Variants in P2RY8 observed in about 807,000 individuals in gnomAD.
P2RY8 encodes P2Y receptor family member 8.
Under a neutral mutation model 10.0 loss-of-function variants are expected in P2RY8, and 6 were observed. The observed-to-expected ratio is 0.60, with a 90% CI of 0.33 to 1.19. The LOEUF (loss-of-function observed/expected upper bound fraction) is 1.19. Ranked by LOEUF, P2RY8 falls within the 50% of genes most tolerant of loss-of-function variation. P2RY8 has a pLI of 0.04. For missense variants in P2RY8, 456 were observed against 542.0 expected (o/e 0.84, Z 1.58); for synonymous variants, 276 against 252.5 (o/e 1.09, Z -0.88).
intron 1 of P2RY8, among the ~76,000 whole-genome samples, chrX:1,518,478 T>C (rs1293801255): frequency 3.4e-5 from 5 of 148,714 alleles, no homozygotes; most frequent in Admixed American, 2.0e-4. Flanking sequence ...TTAATATATA[T>C]AATAAAAAAT....
chrX:1,469,777 G>A (rs1368448827), intron 1 of P2RY8, among the ~76,000 whole-genome samples: 3 of 151,866 alleles, frequency 2.0e-5, no homozygotes, highest in Non-Finnish European at 2.9e-5. Flanking sequence ...GCATGGTGGC[G>A]AGTCCCAGCT....
intron 1 of P2RY8, among the ~76,000 whole-genome samples, chrX:1,480,585 A>G (rs1480369612): frequency 6.6e-6 from 1 of 151,812 alleles, no homozygotes; most frequent in Non-Finnish European, 1.5e-5. Context: ...AAAACCAAAC[A>G]CTGCATGTTG....
chrX:1,482,163 GT>G (rs2091942439), intron 1 of P2RY8, among the ~76,000 whole-genome samples: 2 of 30,042 alleles, frequency 6.7e-5, no homozygotes, highest in Non-Finnish European at 6.3e-5. Flanking sequence ...TGTGTGTGGT[GT>G]GTGTGTGTGT....
chrX:1,526,311 C>T (rs745405946), intron 1 of P2RY8, among the ~76,000 whole-genome samples: 10 of 151,582 alleles, frequency 6.6e-5, no homozygotes, highest in South Asian at 6.3e-4. Flanking sequence ...CTTATCCAGC[C>T]GCTCATCCAC....
intron 1 of P2RY8, among the ~76,000 whole-genome samples, chrX:1,535,972 C>A (rs1159276330): frequency 6.6e-6 from 1 of 152,040 alleles, no homozygotes; most frequent in Non-Finnish European, 1.5e-5. Context: ...GCCGTGAGAC[C>A]CGGGTCTGGG....
intron 1 of P2RY8, among the ~76,000 whole-genome samples, chrX:1,482,010 CTG>C (rs2091940722): frequency 1.3e-5 from 2 of 152,226 alleles, no homozygotes; most frequent in Non-Finnish European, 1.5e-5. Flanking sequence ...AGATTTTGAT[CTG>C]CGTCTTCTGC....
At chrX:1,507,848 C>T (rs189952151) in intron 1 of P2RY8, among the ~76,000 whole-genome samples, 11 of 152,226 alleles carry the variant, frequency 7.2e-5, no homozygotes, top group South Asian at 2.1e-4. Context: ...ATGGCATGGC[C>T]GTGGTCAGAC....
intron 1 of P2RY8, among the ~76,000 whole-genome samples, chrX:1,467,171 G>A (rs1373199147): frequency 6.6e-6 from 1 of 152,202 alleles, no homozygotes; most frequent in South Asian, 2.1e-4. Flanking sequence ...CACCCACAAA[G>A]TGTCTATCAG....
rs191896279 is a variant in P2RY8 at position 1,499,881 on chromosome X, C to T, written c.-24-33299G>A. Among the ~76,000 whole-genome samples, 479 of 151,992 alleles carry T rather than the reference C, an allele frequency of 3.2e-3. 6 individuals are homozygous for T. The East Asian group carries it at 0.049, about 16-fold the overall frequency. On this transcript the variant is annotated intron_variant, in intron 1 of 1. Coordinates refer to ENST00000381297, the MANE Select transcript of P2RY8 (RefSeq NM_178129.5). ...TTTTGTTTTGTTTTTCTTTTTGAGACGGAGTCTCGCTCTGTGGCCCAGGCT... is the reference window on the plus strand; with the variant it reads ...TTTTGTTTTGTTTTTCTTTTTGAGATGGAGTCTCGCTCTGTGGCCCAGGCT...
chrX:1,514,161 A>C (rs2092321009), intron 1 of P2RY8, among the ~76,000 whole-genome samples: 1 of 152,114 alleles, frequency 6.6e-6, no homozygotes, highest in East Asian at 1.9e-4. Flanking sequence ...AATCCAGGGC[A>C]AACCAAGATG....
At chrX:1,498,217 C>T (rs372520502) in intron 1 of P2RY8, among the ~76,000 whole-genome samples, 122 of 151,532 alleles carry the variant, frequency 8.1e-4, no homozygotes, top group East Asian at 3.2e-3. Context: ...CCATCCTGGC[C>T]AACATGCTGA....
chrX:1,509,809 C>CCGTCCA (rs2092284436), intron 1 of P2RY8, among the ~76,000 whole-genome samples: 1 of 73,992 alleles, frequency 1.4e-5, no homozygotes, highest in African/African-American at 3.8e-5. Context: ...ATCTATCTAT[C>CCGTCCA]TATCTATCTA....
intron 1 of P2RY8, among the ~76,000 whole-genome samples, chrX:1,535,581 G>A (rs1472785575): frequency 6.6e-6 from 1 of 151,850 alleles, no homozygotes; most frequent in Non-Finnish European, 1.5e-5. Flanking sequence ...GGCGCAGTCA[G>A]GTGCACCTGC....
chrX:1,524,629 CCATCCATCCATCCATA>C (rs2092422716), intron 1 of P2RY8, among the ~76,000 whole-genome samples: 1 of 87,174 alleles, frequency 1.1e-5, no homozygotes, highest in African/African-American at 4.7e-5. Context: ...ATCCATTCAT[CCATCCATCCATCCATA>C]CATCCATCCA....
chrX:1,492,594 C>G (rs1427286198), intron 1 of P2RY8, among the ~76,000 whole-genome samples: 1 of 152,116 alleles, frequency 6.6e-6, no homozygotes, highest in Non-Finnish European at 1.5e-5. Flanking sequence ...CTGGATCCAG[C>G]CATGCCTGAA....
At chrX:1,478,478 T>C (rs1260423677) in intron 1 of P2RY8, among the ~76,000 whole-genome samples, 9 of 151,402 alleles carry the variant, frequency 5.9e-5, no homozygotes, top group African/African-American at 2.2e-4. Context: ...GTATCTTTTA[T>C]TTATTTATTT....
At chrX:1,494,620 T>A (rs1346433766) in intron 1 of P2RY8, among the ~76,000 whole-genome samples, 1 of 152,196 alleles carries the variant, frequency 6.6e-6, no homozygotes, top group Non-Finnish European at 1.5e-5. Context: ...GGGTTAAACT[T>A]AAGGACAGCT....
intron 1 of P2RY8, among the ~76,000 whole-genome samples, chrX:1,498,958 C>G (rs1280916312): frequency 6.6e-6 from 1 of 151,820 alleles, no homozygotes; most frequent in East Asian, 1.9e-4. Context: ...CCTCAGCCTC[C>G]TGAGTAGCTG....
chrX:1,490,113 C>G (rs1395897364), intron 1 of P2RY8, among the ~76,000 whole-genome samples: 13 of 130,784 alleles, frequency 9.9e-5, no homozygotes, highest in African/African-American at 3.2e-4. Context: ...CCCAGATTCA[C>G]TTCTGCAAAT....
Sources: allele counts gnomAD v4.1 joint callset (sites outside exome capture counted in the v4.1 genomes callset), GRCh38; gene constraint gnomAD v4.1.1; transcripts MANE v1.5; gene names NCBI Gene and HGNC (gene_info 2026-07-23, HGNC 2026-07-21).